Variants in AXDND1 observed in about 807,000 individuals in gnomAD.
The protein encoded by AXDND1 is axonemal dynein light chain domain-containing protein 1.
Under a neutral mutation model 137.5 loss-of-function variants are expected in AXDND1, and 110 were observed. That is an observed-to-expected ratio of 0.80 (90% CI 0.69 to 0.94). AXDND1 has a LOEUF of 0.94. Among genes scored for constraint, AXDND1 ranks in the 40% least tolerant of loss-of-function variants. AXDND1 has a pLI of 0.00. For missense variants in AXDND1, 1,191 were observed against 1,169.8 expected, an observed-to-expected ratio of 1.02 and a Z score of -0.26; for synonymous variants, 414 against 399.7, an observed-to-expected ratio of 1.04 and a Z score of -0.43.
At chr1:179,447,964 G>A in intron 16 of AXDND1, 1 of 1,399,342 alleles carries the variant, frequency 7.1e-7, no homozygotes, top group Non-Finnish European at 1.0e-6. Context: ...TGCCAAAGAT[G>A]GTGACACCAG....
At chr1:179,414,999 A>T (rs1487439255) in intron 12 of AXDND1, among the ~76,000 whole-genome samples, 1 of 152,216 alleles carries the variant, frequency 6.6e-6, no homozygotes, top group Non-Finnish European at 1.5e-5. Context: ...TCACCTATAT[A>T]TGGGATATTC....
intron 4 of AXDND1, among the ~76,000 whole-genome samples, chr1:179,370,390 A>G (rs1000892484): frequency 1.3e-5 from 2 of 152,238 alleles, no homozygotes; most frequent in Non-Finnish European, 2.9e-5. Flanking sequence ...ACAAGATCCA[A>G]CAGGCAGAAT....
At chr1:179,419,022 G>A (rs576997764) in intron 12 of AXDND1, among the ~76,000 whole-genome samples, 18 of 151,502 alleles carry the variant, frequency 1.2e-4, no homozygotes, top group South Asian at 2.1e-4. Flanking sequence ...GACGATGGGC[G>A]GCCGGACAGA....
At chr1:179,374,894 G>T (rs1387557982) in intron 4 of AXDND1, among the ~76,000 whole-genome samples, 1 of 150,782 alleles carries the variant, frequency 6.6e-6, no homozygotes, top group African/African-American at 2.4e-5. Flanking sequence ...TTAATGGGGG[G>T]TGCAGCACAC....
At chr1:179,447,612 G>A in intron 16 of AXDND1, 1 of 1,203,348 alleles carries the variant, frequency 8.3e-7, no homozygotes, top group Non-Finnish European at 1.2e-6. Context: ...GAGGTGTCAT[G>A]CCCTTGCTTG....
chr1:179,424,477 G>A (rs556592440), intron 12 of AXDND1, among the ~76,000 whole-genome samples: 1 of 148,530 alleles, frequency 6.7e-6, no homozygotes, highest in South Asian at 2.1e-4. Context: ...ACCCAGGCTG[G>A]AGTGCAGTGG....
chr1:179,421,035 C>CCCTCCCTT (rs1553266119), intron 12 of AXDND1, among the ~76,000 whole-genome samples: 4 of 134,692 alleles, frequency 3.0e-5, no homozygotes, highest in South Asian at 2.5e-4. Context: ...ATTTGGGTAT[C>CCCTCCCTT]CCTTCCTTCC....
At chr1:179,411,745 A>T (rs772778488) in intron 12 of AXDND1, among the ~76,000 whole-genome samples, 13 of 151,926 alleles carry the variant, frequency 8.6e-5, no homozygotes, top group Non-Finnish European at 1.6e-4. Context: ...ACATGTTAAA[A>T]TTTTCAACTT....
chr1:179,493,085 C>G (rs1667091053), intron 20 of AXDND1, 134 bp downstream of exon 20: 6 of 552,054 alleles, frequency 1.1e-5, no homozygotes, highest in Admixed American at 3.7e-5. Flanking sequence ...TATGCATATA[C>G]TCATAAAAAC....
chr1:179,385,869 T>C (rs1469026526), intron 9 of AXDND1, among the ~76,000 whole-genome samples: 2 of 152,156 alleles, frequency 1.3e-5, no homozygotes, highest in Non-Finnish European at 2.9e-5. Context: ...CTTGGGGCAA[T>C]AAGAGAATTT....
intron 10 of AXDND1, among the ~76,000 whole-genome samples, chr1:179,394,343 C>G (rs948660775): frequency 6.6e-6 from 1 of 152,150 alleles, no homozygotes; most frequent in East Asian, 1.9e-4. Context: ...AATCCCAGCA[C>G]TTTGGGAGGC....
rs556623230 is a variant in AXDND1 at position 179,492,449 on chromosome 1, A to C, written c.2292-406A>C. 1.3e-4 allele frequency among the ~76,000 whole-genome samples: 19 copies of C among 146,944 alleles called. No individual in the cohort carries two copies. In the East Asian group the frequency reaches 3.4e-3, roughly 26 times the overall value. ...TTTACAAAATGGAAGAAAAAAAAAA[A>C]CAACAACCCACAAACCCTTATATCT... is the stretch of plus-strand genomic sequence containing the variant. On this transcript the variant is annotated intron_variant, in intron 19 of 25. Transcript: ENST00000367618.
chr1:179,388,838 C>T (rs540518492), intron 9 of AXDND1, among the ~76,000 whole-genome samples: 26 of 151,750 alleles, frequency 1.7e-4, no homozygotes, highest in Non-Finnish European at 3.1e-4. Flanking sequence ...TCAAGCGATC[C>T]GCCCACCTCA....
At chr1:179,546,505 C>A (rs1672659687) in intron 25 of AXDND1, among the ~76,000 whole-genome samples, 2 of 152,178 alleles carry the variant, frequency 1.3e-5, no homozygotes, top group Middle Eastern at 3.4e-3. Flanking sequence ...ACTTCTGCTG[C>A]TCATCACTGG....
intron 14 of AXDND1, among the ~76,000 whole-genome samples, chr1:179,431,724 T>C (rs1407355873): frequency 6.6e-6 from 1 of 152,168 alleles, no homozygotes; most frequent in East Asian, 1.9e-4. Flanking sequence ...AGCTGGCTGC[T>C]CCTGCCGTGT....
At chr1:179,382,426 A>G (rs1478637596) in intron 6 of AXDND1, among the ~76,000 whole-genome samples, 1 of 152,178 alleles carries the variant, frequency 6.6e-6, no homozygotes, top group Admixed American at 6.5e-5. Context: ...CAATGGCCAA[A>G]GGCTGCTCCT....
chr1:179,381,622 G>A (rs1373841829), intron 6 of AXDND1, among the ~76,000 whole-genome samples: 1 of 152,062 alleles, frequency 6.6e-6, no homozygotes. Context: ...GGGATTACAG[G>A]TGTGAGCCAC....
chr1:179,511,734 G>C (rs1025833114), intron 21 of AXDND1, among the ~76,000 whole-genome samples: 6 of 152,040 alleles, frequency 3.9e-5, no homozygotes, highest in Non-Finnish European at 7.4e-5. Flanking sequence ...ACCGTTTCTT[G>C]ATTTTTTGAT....
intron 16 of AXDND1, among the ~76,000 whole-genome samples, chr1:179,460,010 C>CCCT: frequency 1.1e-5 from 1 of 87,160 alleles, no homozygotes; most frequent in African/African-American, 5.3e-5. Flanking sequence ...CTTCCTTCCT[C>CCCT]TCCTTCCTTC....
Sources: allele counts gnomAD v4.1 joint callset (sites outside exome capture counted in the v4.1 genomes callset), GRCh38; gene constraint gnomAD v4.1.1; transcripts MANE v1.5; gene names NCBI Gene and HGNC (gene_info 2026-07-23, HGNC 2026-07-21).